The following ZDHHC17 variants were observed in gnomAD, a reference collection of about 807,000 sequenced individuals.
ZDHHC17 encodes the protein palmitoyltransferase ZDHHC17.
A neutral mutation model predicts 90.3 loss-of-function variants in ZDHHC17; 40 were observed. The ratio of observed to expected loss-of-function variants is 0.44; its 90% CI spans 0.34 to 0.58. ZDHHC17 has a LOEUF of 0.58. Ranked by LOEUF, ZDHHC17 falls within the 20% of genes least tolerant of loss-of-function variation. The pLI, the probability that ZDHHC17 is intolerant of heterozygous loss-of-function variation, is 0.01. For synonymous variants in ZDHHC17, 235 were observed against 252.4 expected, an observed-to-expected ratio of 0.93 and a Z score of 0.65; for missense variants, 614 against 780.8, an observed-to-expected ratio of 0.79 and a Z score of 2.55.
In ZDHHC17 at chr12:76,820,978, A is replaced by G. The variant is rs1398784996; in HGVS notation, c.772-1428A>G. 5.7e-6 allele frequency: 5 copies of G among 871,354 alleles called. No homozygotes were observed. The African/African-American group carries it at 8.8e-5, about 15-fold the overall frequency. 54.0% of individuals were successfully genotyped at this position (871,354 alleles called of 1,614,324 possible). On this transcript the variant is annotated intron_variant, in intron 7 of 16. Coordinates refer to ENST00000426126, the MANE Select transcript of ZDHHC17 (RefSeq NM_015336.4). ...GAGTGTTTATTTTACCAGCTGAATA[A>G]AAGAACTATACAAAAATAGTTAGAT...
chr12:76,834,508 T>C (rs1447646816), intron 10 of ZDHHC17, among the ~76,000 whole-genome samples: 3 of 152,220 alleles, frequency 2.0e-5, no homozygotes, highest in Non-Finnish European at 4.4e-5. Context: ...CATTTTTTTC[T>C]GTAGGTTACT....
intron 1 of ZDHHC17, among the ~76,000 whole-genome samples, chr12:76,779,272 AC>A (rs1349903241): frequency 6.6e-6 from 1 of 152,060 alleles, no homozygotes; most frequent in African/African-American, 2.4e-5. Context: ...TGTCTTTTCC[AC>A]CTTTGTATTA....
chr12:76,790,133 CCT>C (rs1468219753), intron 1 of ZDHHC17, among the ~76,000 whole-genome samples: 2 of 151,772 alleles, frequency 1.3e-5, no homozygotes, highest in African/African-American at 2.4e-5. Flanking sequence ...TAAATCTAGA[CCT>C]CTTATAAAAA....
intron 4 of ZDHHC17, among the ~76,000 whole-genome samples, chr12:76,809,330 T>A (rs1952992941): frequency 2.0e-5 from 3 of 146,410 alleles, no homozygotes; most frequent in African/African-American, 5.1e-5. Context: ...CTGATATTAA[T>A]TCAGTTAGTT....
At chr12:76,786,630 C>G (rs949458142) in intron 1 of ZDHHC17, among the ~76,000 whole-genome samples, 1 of 152,178 alleles carries the variant, frequency 6.6e-6, no homozygotes, top group African/African-American at 2.4e-5. Context: ...CGCATGTGGT[C>G]CTTCCCCATC....
rs1461004621 is a variant in ZDHHC17, at chr12:76,819,685, CTTATT to C, written c.772-2717_772-2713del. 2.0e-5 allele frequency among the ~76,000 whole-genome samples: 3 copies of C among 152,126 alleles called. No individual in the cohort carries two copies. The East Asian group carries it at 5.8e-4, about 29-fold the overall frequency. On this transcript the variant is annotated intron_variant, in intron 7 of 16. Coordinates refer to ENST00000426126, the MANE Select transcript of ZDHHC17 (RefSeq NM_015336.4). ...GTTCCTTTATCAAAACAAGATAGAA[CTTATT>C]TTAAAGACAATTTATACTAAATGAG... is the stretch of plus-strand genomic sequence containing the variant.
At chr12:76,774,321 C>CATAT (rs964750097) in intron 1 of ZDHHC17, among the ~76,000 whole-genome samples, 1 of 138,308 alleles carries the variant, frequency 7.2e-6, no homozygotes, top group Non-Finnish European at 1.6e-5. Flanking sequence ...CACACACACA[C>CATAT]ATATATATAC....
chr12:76,815,909 G>C lies in ZDHHC17; in HGVS notation c.661G>C (p.Asp221His). 6.3e-7 allele frequency: 1 copy of C among 1,578,506 alleles called. No individual in the cohort carries two copies. The highest frequency in any genetic ancestry group is 8.6e-7 in the Non-Finnish European group (1 of 1,160,724). ...ATTCAATGTTTCAGTTAACCTTGGTGACAAGTATCACAAAAACACTGCTCT... is the reference window on the plus strand; with the variant it reads ...ATTCAATGTTTCAGTTAACCTTGGTCACAAGTATCACAAAAACACTGCTCT... The part of the protein sequence containing the change: ...LTFNVSVNLG[D>H]KYHKNTALHW... Residue 221 changes from aspartate to histidine, a missense_variant, in exon 7 of 17, where the codon GAC (aspartate) becomes CAC (histidine). This residue lies in a region of ZDHHC17 where 358 missense variants were observed against 380.4 expected (regional missense o/e 0.94). Transcript: ENST00000426126.
At chr12:76,850,552 CTAAAAA>C (rs1192456688) in intron 16 of ZDHHC17, among the ~76,000 whole-genome samples, 2 of 151,726 alleles carry the variant, frequency 1.3e-5, no homozygotes, top group African/African-American at 2.4e-5. Flanking sequence ...GACCTCATCT[CTAAAAA>C]TAAAAATAAA....
rs61663401 is a variant in ZDHHC17 at position 76,788,688 on chromosome 12, A to ATATTTTTTTTTTTTTTTTTTTTTTT, written c.94-8745_94-8744insATTTTTTTTTTTTTTTTTTTTTTTT. ...AAAATATATTTAAGTTGGAATCGCA[A>ATATTTTTTTTTTTTTTTTTTTTTTT]TTTTTTTTTTTTTTTTTTTTTTTTT... On this transcript the variant is annotated intron_variant, in intron 1 of 16. Coordinates refer to ENST00000426126, the MANE Select transcript of ZDHHC17 (RefSeq NM_015336.4). Among the ~76,000 whole-genome samples, 54 of 98,664 alleles carry ATATTTTTTTTTTTTTTTTTTTTTTT rather than the reference A, an allele frequency of 5.5e-4. 16 individuals carry two copies. Among genetic ancestry groups the ATATTTTTTTTTTTTTTTTTTTTTTT allele is most frequent in the East Asian group, 7.3e-4 (2 of 2,744 alleles). The allele number at this position is 98,664 out of a possible 152,430, so 64.7% of individuals were successfully genotyped here.
intron 7 of ZDHHC17, chr12:76,821,138 G>A: frequency 7.8e-7 from 1 of 1,283,832 alleles, no homozygotes; most frequent in South Asian, 1.3e-5. Context: ...TTCCCGGGGA[G>A]TTGTTACCCA....
In ZDHHC17 at chr12:76,822,487, G is replaced by T; in HGVS notation, c.853G>T (p.Gly285Ter). 1 of 1,612,108 alleles carries T rather than the reference G, an allele frequency of 6.2e-7. No homozygotes were observed. The highest frequency in any genetic ancestry group is 8.5e-7 in the Non-Finnish European group (1 of 1,179,138). ...CTTACAAGAGGCAAGGCAAGCAAAA[G>T]GATATGACAATCCGTCCTTCCTTAG... is the stretch of plus-strand genomic sequence containing the variant. ...NHLQEARQAK[G>*]YDNPSFLRKL... Residue 285 changes from glycine (G) to a stop codon, truncating the protein, a stop_gained, in exon 8 of 17, where the codon GGA becomes TGA. Coordinates refer to ENST00000426126, the MANE Select transcript of ZDHHC17 (RefSeq NM_015336.4). LOFTEE classifies it high-confidence loss of function.
intron 1 of ZDHHC17, among the ~76,000 whole-genome samples, chr12:76,781,017 C>G (rs1013918160): frequency 1.3e-5 from 2 of 151,546 alleles, no homozygotes; most frequent in African/African-American, 4.8e-5. Context: ...GCCCGTAGTC[C>G]CAGCTACTCG....
At chr12:76,773,017 C>G (rs1952514556) in intron 1 of ZDHHC17, among the ~76,000 whole-genome samples, 1 of 152,084 alleles carries the variant, frequency 6.6e-6, no homozygotes, top group Admixed American at 6.5e-5. Context: ...CCACCACGCC[C>G]TGCTCATTTT....
chr12:76,811,590 G>A (rs1263118758), intron 5 of ZDHHC17, among the ~76,000 whole-genome samples: 2 of 151,976 alleles, frequency 1.3e-5, no homozygotes, highest in African/African-American at 4.8e-5. Flanking sequence ...TGATAATGAT[G>A]ATGATAAATG....
Position 76,815,153 on chromosome 12 carries a change from A to G in ZDHHC17, c.551A>G (p.Asp184Gly), listed in dbSNP as rs986751582. Residue 184 changes from aspartate to glycine, a missense_variant, in exon 6 of 17, where the codon GAT becomes GGT. Around this residue, in one of 5 missense-constraint regions of ZDHHC17, gnomAD observed 358 missense variants for 380.4 expected, o/e 0.94. Transcript: ENST00000426126. Reference protein sequence around the residue: ...AYLIAKGQDVDMMDQNGMTPL... With the variant: ...AYLIAKGQDVGMMDQNGMTPL... The stretch of plus-strand genomic sequence containing the variant: ...TTCTTTTTACTTTATCAGGATGTAG[A>G]TATGATGGATCAGAATGGAATGACG... The G allele has an allele frequency of 6.4e-7, 1 of 1,561,228 alleles. No homozygotes were observed. The highest frequency in any genetic ancestry group is 8.7e-7 in the Non-Finnish European group (1 of 1,150,798).
intron 10 of ZDHHC17, chr12:76,841,229 A>C (rs536312539): frequency 6.6e-6 from 1 of 152,144 alleles, no homozygotes; most frequent in Admixed American, 6.5e-5. Context: ...TTCTTTTTCT[A>C]TCTGTGCTTC....
intron 14 of ZDHHC17, among the ~76,000 whole-genome samples, chr12:76,848,019 T>C (rs1472479390): frequency 6.6e-6 from 1 of 152,102 alleles, no homozygotes; most frequent in African/African-American, 2.4e-5. Flanking sequence ...ATACAGTGAT[T>C]TTTTTTTAAG....
At chr12:76,778,090 T>C (rs2137719954) in intron 1 of ZDHHC17, among the ~76,000 whole-genome samples, 1 of 152,330 alleles carries the variant, frequency 6.6e-6, no homozygotes, top group South Asian at 2.1e-4. Flanking sequence ...CTTATTTACA[T>C]GACTCTGGTG....
Sources: allele counts gnomAD v4.1 joint callset (sites outside exome capture counted in the v4.1 genomes callset), GRCh38; gene constraint gnomAD v4.1.1; regional missense constraint gnomAD v4.1.1; transcripts MANE v1.5; gene names NCBI Gene and HGNC (gene_info 2026-07-23, HGNC 2026-07-21).